HIBCH: variants seen among roughly 807,000 people sequenced by gnomAD.
HIBCH encodes the protein 3-hydroxyisobutyryl-CoA hydrolase, mitochondrial.
A neutral mutation model predicts 58.2 loss-of-function variants in HIBCH; 50 were observed. The ratio of observed to expected loss-of-function variants is 0.86; its 90% confidence interval spans 0.68 to 1.09. The LOEUF is 1.09. HIBCH is among the 50% of genes least tolerant of loss of function. The pLI, the probability that HIBCH is intolerant of heterozygous loss-of-function variation, is 0.00. For missense variants in HIBCH, 450 were observed against 449.7 expected (o/e 1.00, Z -0.01); for synonymous variants, 151 against 146.9 (o/e 1.03, Z -0.20).
At chr2:190,227,693 T>G (rs1356760074) in intron 11 of HIBCH, among the ~76,000 whole-genome samples, 1 of 151,970 alleles carries the variant, frequency 6.6e-6, no homozygotes, top group Admixed American at 6.6e-5. Context: ...ACAAAGAACC[T>G]AAACAAATTT....
At chr2:190,288,498 G>C (rs1687885174) in intron 5 of HIBCH, among the ~76,000 whole-genome samples, 1 of 149,692 alleles carries the variant, frequency 6.7e-6, no homozygotes, top group Non-Finnish European at 1.5e-5. Flanking sequence ...ACTAGATAGA[G>C]TACAACTATC....
downstream of HIBCH, chr2:190,199,642 C>T (rs1559003434): frequency 6.8e-6 from 8 of 1,168,972 alleles, no homozygotes; most frequent in Admixed American, 1.5e-4. Flanking sequence ...GCCACTCAAT[C>T]ATACACTATT....
chr2:190,204,048 A>G lies in HIBCH; in HGVS notation c.*1069T>C, dbSNP rs1690328400. 1 of 152,080 alleles carries G rather than the reference A, an allele frequency of 6.6e-6. No individual in the cohort carries two copies. Among genetic ancestry groups the G allele is most frequent in the Non-Finnish European group, 1.5e-5 (1 of 67,948 alleles). 9.4% of individuals were successfully genotyped at this position (152,080 alleles called of 1,614,324 possible). On this transcript the variant is annotated 3_prime_UTR_variant, in exon 14 of 14. Transcript: ENST00000359678. Reference sequence around the variant, plus strand: ...ATTACAAACAAAAAACAAAATCATAAATTTTGTTTACTTTGTTAATTTATA... The same window carrying G: ...ATTACAAACAAAAAACAAAATCATAGATTTTGTTTACTTTGTTAATTTATA...
Position 190,208,605 on chromosome 2 carries a change from A to G in HIBCH, c.1045+275T>C, listed in dbSNP as rs1690448234. 3.3e-5 allele frequency: 16 copies of G among 485,900 alleles called. No individual in the cohort carries two copies. In the South Asian group the frequency reaches 3.9e-4, roughly 12 times the overall value. 30.1% of individuals were successfully genotyped at this position (485,900 alleles called of 1,614,324 possible). On this transcript the variant is annotated intron_variant, in intron 13 of 13. Transcript: ENST00000359678. ...AATAAAAGTTTAATTTTCACTACTA[A>G]AACAACTATAGGTTGAGTATTCTTT...
chr2:190,278,021 A>C (rs1039180977), intron 6 of HIBCH, among the ~76,000 whole-genome samples: 4 of 152,186 alleles, frequency 2.6e-5, no homozygotes, highest in African/African-American at 9.7e-5. Flanking sequence ...TGTAATACTA[A>C]AATTCTACTA....
intron 6 of HIBCH, among the ~76,000 whole-genome samples, chr2:190,266,529 G>A (rs1040428315): frequency 1.3e-5 from 2 of 152,008 alleles, no homozygotes. Flanking sequence ...AGTCTCCTGG[G>A]CTCAAGTGAT....
chr2:190,294,307 A>G (rs1353915606), intron 4 of HIBCH, among the ~76,000 whole-genome samples: 2 of 152,072 alleles, frequency 1.3e-5, no homozygotes, highest in African/African-American at 4.8e-5. Context: ...GAGAGACAAC[A>G]TATTTAAATT....
At chr2:190,316,574 G>A (rs1465585025) in intron 1 of HIBCH, among the ~76,000 whole-genome samples, 1 of 152,090 alleles carries the variant, frequency 6.6e-6, no homozygotes, top group Non-Finnish European at 1.5e-5. Flanking sequence ...AGTAATAATG[G>A]AAACCCTGGG....
chr2:190,239,765 T>C (rs1553498945), intron 11 of HIBCH, among the ~76,000 whole-genome samples: 1 of 150,880 alleles, frequency 6.6e-6, no homozygotes, highest in Non-Finnish European at 1.5e-5. Flanking sequence ...TTCTCCTGCC[T>C]CAGCCTCCTG....
At chr2:190,246,354 C>T in intron 9 of HIBCH, 142 bp from the exon 10 acceptor site, 2 of 614,044 alleles carry the variant, frequency 3.3e-6, no homozygotes, top group Non-Finnish European at 5.8e-6. Flanking sequence ...TAAATAACTA[C>T]CGCTGTATGA....
At chr2:190,200,815 G>GTGTT (rs1424189614), downstream of HIBCH, 2 of 167,212 alleles carry the variant, frequency 1.2e-5, no homozygotes, top group Non-Finnish European at 1.5e-5. Flanking sequence ...CATGACATTA[G>GTGTT]TGTTTATTGC....
At chr2:190,226,765 C>T (rs540312010) in intron 11 of HIBCH, among the ~76,000 whole-genome samples, 35 of 152,230 alleles carry the variant, frequency 2.3e-4, no homozygotes, top group Middle Eastern at 3.4e-3. Flanking sequence ...AAATATCACA[C>T]GCATTCCTAT....
In HIBCH at chr2:190,314,321, G is replaced by A. The variant is rs7580711; in HGVS notation, c.36-3525C>T. Among the ~76,000 whole-genome samples, 22 of 9,504 alleles carry A rather than the reference G, an allele frequency of 2.3e-3. 2 individuals are homozygous for A. The highest frequency in any genetic ancestry group is 0.05 in the East Asian group (2 of 40). The allele number at this position is 9,504 out of a possible 152,430, so 6.2% of individuals were successfully genotyped here. ...TATACATATATATGTGTATATATAT[G>A]TATATATGTATATATACATATATAT... On this transcript the variant is annotated intron_variant, in intron 1 of 13. Coordinates refer to ENST00000359678, the MANE Select transcript of HIBCH (RefSeq NM_014362.4).
chr2:190,228,316 C>T (rs1156519323), intron 11 of HIBCH, among the ~76,000 whole-genome samples: 1 of 150,716 alleles, frequency 6.6e-6, no homozygotes. Context: ...AAACCAAATA[C>T]CACATGTTCT....
Position 190,215,195 on chromosome 2 carries a change from A to T in HIBCH, c.892-2120T>A, listed in dbSNP as rs1690601816. 6.6e-6 allele frequency: 1 copy of T among 152,222 alleles called. No homozygotes were observed. The highest frequency in any genetic ancestry group is 2.1e-4 in the South Asian group (1 of 4,826). 9.4% of individuals were successfully genotyped at this position (152,222 alleles called of 1,614,324 possible). On this transcript the variant is annotated intron_variant, in intron 11 of 13. Coordinates refer to ENST00000359678, the MANE Select transcript of HIBCH (RefSeq NM_014362.4). This position sits in a 1 kb window ranked among gnomAD's most constrained non-coding sequence, Gnocchi z 4.4. Reference sequence around the variant, plus strand: ...TACTTAGGCTGAGATGATGTCAATCATGAATATTGTGTTTACTGGGGAAGA... The same window carrying T: ...TACTTAGGCTGAGATGATGTCAATCTTGAATATTGTGTTTACTGGGGAAGA...
At chr2:190,291,592 A>G (rs1315819701) in intron 4 of HIBCH, among the ~76,000 whole-genome samples, 2 of 152,208 alleles carry the variant, frequency 1.3e-5, no homozygotes, top group Non-Finnish European at 2.9e-5. Context: ...TAAATAATAT[A>G]CTGACATTCT....
At chr2:190,298,821 C>T (rs1355650011) in intron 2 of HIBCH, among the ~76,000 whole-genome samples, 7 of 152,056 alleles carry the variant, frequency 4.6e-5, no homozygotes, top group South Asian at 2.1e-4. Flanking sequence ...TCTTTGCCCA[C>T]GCCTATATCC....
chr2:190,244,405 C>T (rs1686546403), intron 11 of HIBCH, among the ~76,000 whole-genome samples: 1 of 152,108 alleles, frequency 6.6e-6, no homozygotes, highest in African/African-American at 2.4e-5. Flanking sequence ...ACATAAGACT[C>T]AGCTATGGCA....
In HIBCH at chr2:190,261,159, T is replaced by C. The variant is rs1687078051; in HGVS notation, c.514A>G (p.Ile172Val). 1 of 1,611,886 alleles carries C rather than the reference T, an allele frequency of 6.2e-7. No individual in the cohort carries two copies. The highest frequency in any genetic ancestry group is 8.5e-7 in the Non-Finnish European group (1 of 1,178,158). The change falls in exon 7 of 14, where the codon ATA (isoleucine) becomes GTA (valine). Residue 172 changes from isoleucine (I) to valine (V), a missense_variant. By Grantham distance (29) the Ile-to-Val change is conservative. Transcript: ENST00000359678. The part of the protein sequence containing the change: ...KCLFAMPETA[I>V]GLFPDVGGGY... Reference sequence around the variant, plus strand: ...AAAAAAAATTCTGGTTGTTTACCTATTGCAGTTTCTGGCATAGCAAAAAGA... The same window carrying C: ...AAAAAAAATTCTGGTTGTTTACCTACTGCAGTTTCTGGCATAGCAAAAAGA...
Sources: gnomAD v4.1 joint callset for allele counts (sites outside exome capture counted in the v4.1 genomes callset) on GRCh38, gnomAD v4.1.1 for gene constraint, Gnocchi (gnomAD v3.1) non-coding constraint, MANE v1.5 for transcripts, NCBI Gene and HGNC (gene_info 2026-07-23, HGNC 2026-07-21) for gene names.